DLG2: variants seen among roughly 807,000 people sequenced by gnomAD.
DLG2 encodes discs large MAGUK scaffold protein 2, also known as disks large homolog 2.
Under a neutral mutation model 132.5 loss-of-function variants are expected in DLG2, and 45 were observed. The observed-to-expected ratio is 0.34, with a 90% confidence interval of 0.27 to 0.44. The LOEUF (loss-of-function observed/expected upper bound fraction) is 0.44. Ranked by LOEUF, DLG2 falls within the 20% of genes least tolerant of loss-of-function variation. DLG2 has a pLI of 1.00. For missense variants in DLG2, 1,045 were observed against 1,196.9 expected, an observed-to-expected ratio of 0.87 and a Z score of 1.87; for synonymous variants, 424 against 419.6, an observed-to-expected ratio of 1.01 and a Z score of -0.13.
intron 11 of DLG2, among the ~76,000 whole-genome samples, chr11:84,009,505 G>A (rs1477889306): frequency 6.6e-6 from 1 of 151,986 alleles, no homozygotes; most frequent in Non-Finnish European, 1.5e-5. Context: ...AACTTGAAGG[G>A]TGAATTTAGC....
chr11:84,447,712 G>T lies in DLG2; in HGVS notation c.519+86858C>A, dbSNP rs2099039557. Among the ~76,000 whole-genome samples the T allele has an allele frequency of 2.0e-5, 3 of 151,844 alleles. No individual in the cohort carries two copies. In the South Asian group the frequency reaches 6.2e-4, roughly 32 times the overall value. Reference sequence around the variant, plus strand: ...AGAGAATCTTTCCAGAGCCTCAAAAGAAGGCTTGCAGGACCTCTTGTAAGA... The same window carrying T: ...AGAGAATCTTTCCAGAGCCTCAAAATAAGGCTTGCAGGACCTCTTGTAAGA... On this transcript the variant is annotated intron_variant, in intron 7 of 27. Coordinates refer to ENST00000376104, the MANE Select transcript of DLG2 (RefSeq NM_001142699.3).
At chr11:85,420,450 A>C (rs1376072111) in intron 3 of DLG2, among the ~76,000 whole-genome samples, 5 of 152,134 alleles carry the variant, frequency 3.3e-5, no homozygotes, top group African/African-American at 1.2e-4. Context: ...CCCTTAGCAG[A>C]GCTTGAGTGT....
At chr11:85,132,546 T>C (rs2075800556) in intron 5 of DLG2, among the ~76,000 whole-genome samples, 1 of 151,600 alleles carries the variant, frequency 6.6e-6, no homozygotes, top group African/African-American at 2.4e-5. Context: ...ACAGGCAAAT[T>C]CTCCTTCCAT....
intron 7 of DLG2, among the ~76,000 whole-genome samples, chr11:84,278,703 T>A (rs1415767768): frequency 6.6e-6 from 1 of 152,204 alleles, no homozygotes; most frequent in Non-Finnish European, 1.5e-5. Context: ...TGAAATTTAT[T>A]AAGTTTTCTT....
chr11:84,815,316 GT>G lies in DLG2; in HGVS notation c.358-280586del, dbSNP rs549896838. Among the ~76,000 whole-genome samples, 253 of 152,166 alleles carry G rather than the reference GT, an allele frequency of 1.7e-3. 3 individuals are homozygous for G. The highest frequency in any genetic ancestry group is 0.016 in the Admixed American group (242 of 15,252). On this transcript the variant is annotated intron_variant, in intron 6 of 27. Transcript: ENST00000376104. ...GAAACTAGAAGAAATTGTGAGGAGA[GT>G]TTTTGACTGTCCCAGGACATGGAAT...
rs183656055 is a variant in DLG2, at chr11:83,778,804, T to C, written c.1825+7886A>G. Reference sequence around the variant, plus strand: ...CTGGAAAGGACCTTTCATGAATGAATCTGCAGACTGTTCAGGAATCATCTT... The same window carrying C: ...CTGGAAAGGACCTTTCATGAATGAACCTGCAGACTGTTCAGGAATCATCTT... On this transcript the variant is annotated intron_variant, in intron 18 of 27. Coordinates refer to ENST00000376104, the MANE Select transcript of DLG2 (RefSeq NM_001142699.3). Among the ~76,000 whole-genome samples, 5 of 152,230 alleles carry C rather than the reference T, an allele frequency of 3.3e-5. No homozygotes were observed. In the East Asian group the frequency reaches 9.7e-4, roughly 29 times the overall value.
intron 8 of DLG2, among the ~76,000 whole-genome samples, chr11:84,205,699 G>A (rs2096656848): frequency 6.6e-6 from 1 of 151,988 alleles, no homozygotes; most frequent in Non-Finnish European, 1.5e-5. Context: ...CAGCTAAAGT[G>A]GTGCTAAGGA....
At chr11:83,790,881 G>A in intron 17 of DLG2, 1 of 752,670 alleles carries the variant, frequency 1.3e-6, no homozygotes, top group East Asian at 2.4e-5. Flanking sequence ...TCCTTCCAAA[G>A]GACACATCCC....
intron 21 of DLG2, among the ~76,000 whole-genome samples, chr11:83,507,506 C>A: frequency 7.0e-6 from 1 of 143,440 alleles, no homozygotes. Context: ...CATATATATC[C>A]TCTATATATA....
intron 6 of DLG2, among the ~76,000 whole-genome samples, chr11:84,810,813 T>G (rs531167434): frequency 6.6e-6 from 1 of 152,128 alleles, no homozygotes; most frequent in East Asian, 1.9e-4. Flanking sequence ...CAAAATATTA[T>G]GCTGAGTTAA....
At chr11:84,478,227 T>C (rs944410163) in intron 7 of DLG2, among the ~76,000 whole-genome samples, 4 of 152,214 alleles carry the variant, frequency 2.6e-5, no homozygotes, top group Non-Finnish European at 5.9e-5. Flanking sequence ...TTAATAGCAA[T>C]GCCTGTTAGA....
At chr11:84,934,548 G>GTTT (rs2048515926) in intron 6 of DLG2, among the ~76,000 whole-genome samples, 1 of 83,488 alleles carries the variant, frequency 1.2e-5, no homozygotes, top group Non-Finnish European at 2.4e-5. Context: ...TTTTTTTTTG[G>GTTT]TGGGTAGGCT....
At chr11:84,034,069 G>A (rs1905328) in intron 11 of DLG2, among the ~76,000 whole-genome samples, 98,123 of 151,650 alleles carry the variant, frequency 0.65, 34,038 homozygotes, top group Non-Finnish European at 0.78. Flanking sequence ...CAACAAGAGC[G>A]AAACTCGGTC....
chr11:84,538,609 T>C (rs2099361021), intron 6 of DLG2, among the ~76,000 whole-genome samples: 1 of 152,102 alleles, frequency 6.6e-6, no homozygotes, highest in Non-Finnish European at 1.5e-5. Context: ...TTTTTTTTTT[T>C]TCTTGGAACT....
At chr11:84,606,431 T>G (rs545844854) in intron 6 of DLG2, among the ~76,000 whole-genome samples, 1 of 152,268 alleles carries the variant, frequency 6.6e-6, no homozygotes, top group South Asian at 2.1e-4. Flanking sequence ...CTTTGTATGG[T>G]GGACCTCTTC....
At chr11:83,971,392 G>A (rs1044715724) in intron 12 of DLG2, among the ~76,000 whole-genome samples, 2 of 152,130 alleles carry the variant, frequency 1.3e-5, no homozygotes, top group African/African-American at 4.8e-5. Flanking sequence ...ACAAAGGAAG[G>A]CAAACCAGCT....
intron 6 of DLG2, among the ~76,000 whole-genome samples, chr11:85,101,338 T>C (rs2070816104): frequency 1.3e-5 from 2 of 152,110 alleles, no homozygotes; most frequent in South Asian, 2.1e-4. Context: ...TGTTCAAACA[T>C]GTATGCCTAA....
chr11:84,072,952 GAT>G (rs1042672634), intron 10 of DLG2, among the ~76,000 whole-genome samples: 2 of 152,224 alleles, frequency 1.3e-5, no homozygotes, highest in Admixed American at 1.3e-4. Context: ...TGTGCTGATG[GAT>G]TGTATGTGGG....
intron 3 of DLG2, among the ~76,000 whole-genome samples, chr11:85,559,851 GAT>G (rs1395736462): frequency 4.6e-4 from 69 of 151,128 alleles, no homozygotes; most frequent in African/African-American, 1.7e-3. Context: ...TAGATAGATA[GAT>G]AGATAGAGAT....
Sources: allele counts gnomAD v4.1 joint callset (sites outside exome capture counted in the v4.1 genomes callset), GRCh38; gene constraint gnomAD v4.1.1; transcripts MANE v1.5; gene names NCBI Gene and HGNC (gene_info 2026-07-23, HGNC 2026-07-21).